Variants in PKNOX2 observed in about 807,000 individuals in gnomAD.
PKNOX2 encodes homeobox protein PKNOX2.
Under a neutral mutation model 53.1 loss-of-function variants are expected in PKNOX2, and 14 were observed. That is an observed-to-expected ratio of 0.26 (90% CI 0.17 to 0.41). The LOEUF (loss-of-function observed/expected upper bound fraction) is 0.41, where lower values mean the gene tolerates loss of function less well. Among genes scored for constraint, PKNOX2 ranks in the 10% least tolerant of loss-of-function variants. The probability of loss-of-function intolerance (pLI) is 1.00; values close to 1 mark genes in which losing one functional copy is unlikely to be tolerated. For synonymous variants in PKNOX2, 257 were observed against 242.8 expected (o/e 1.06, Z -0.54); for missense variants, 496 against 602.8 (o/e 0.82, Z 1.85).
chr11:125,267,149 C>T (rs1162134010), intron 2 of PKNOX2, among the ~76,000 whole-genome samples: 1 of 152,206 alleles, frequency 6.6e-6, no homozygotes, highest in Admixed American at 6.5e-5. Context: ...ATGTCCTTTC[C>T]TCCCTCCATC....
At chr11:125,286,617 C>T (rs1317539839) in intron 2 of PKNOX2, among the ~76,000 whole-genome samples, 1 of 152,238 alleles carries the variant, frequency 6.6e-6, no homozygotes, top group African/African-American at 2.4e-5. Context: ...ACTGCCAGGC[C>T]TGGTGTCGCC....
chr11:125,202,108 CAGTT>C (rs1215321489), intron 1 of PKNOX2, among the ~76,000 whole-genome samples: 1 of 152,238 alleles, frequency 6.6e-6, no homozygotes, highest in African/African-American at 2.4e-5. Flanking sequence ...TTTAATTAAT[CAGTT>C]AGCTGAGGGG....
At position 125,349,552 on chromosome 11, in the gene PKNOX2, A is replaced by G. The variant is rs866253260; in HGVS notation, c.-22-1732A>G. Among the ~76,000 whole-genome samples, 11 of 152,074 alleles carry G rather than the reference A, an allele frequency of 7.2e-5. 1 individual carries two copies. The highest frequency in any genetic ancestry group is 6.8e-3 in the Middle Eastern group (2 of 292). ...CCGGCCTGAAGTCGGCATTTTTAGCACCGGGGGAGCCATCCCTCCCTGTGC... is the reference window on the plus strand; with the variant it reads ...CCGGCCTGAAGTCGGCATTTTTAGCGCCGGGGGAGCCATCCCTCCCTGTGC... On this transcript the variant is annotated intron_variant, in intron 3 of 12. Coordinates refer to ENST00000298282, the MANE Select transcript of PKNOX2 (RefSeq NM_001382323.2).
chr11:125,307,724 C>CAGGACT lies in PKNOX2; in HGVS notation c.-129-24092_-129-24087dup, dbSNP rs1170026787. Reference sequence around the variant, plus strand: ...GGCCTAGAGACGTTGGTGAACAGGCCAGGACTAGAATTCTGGGCCACCAGT... The same window carrying CAGGACT: ...GGCCTAGAGACGTTGGTGAACAGGCCAGGACTAGGACTAGAATTCTGGGCCACCAGT... On this transcript the variant is annotated intron_variant, in intron 2 of 12. Coordinates refer to ENST00000298282, the MANE Select transcript of PKNOX2 (RefSeq NM_001382323.2). 3.9e-5 allele frequency among the ~76,000 whole-genome samples: 6 copies of CAGGACT among 152,272 alleles called. No individual in the cohort carries two copies. The South Asian group carries it at 6.2e-4, about 16-fold the overall frequency.
chr11:125,341,564 C>T (rs562308136), intron 3 of PKNOX2, among the ~76,000 whole-genome samples: 5 of 152,234 alleles, frequency 3.3e-5, no homozygotes, highest in African/African-American at 7.2e-5. Flanking sequence ...ATGGGACATG[C>T]GGGTGAGGAG....
intron 2 of PKNOX2, among the ~76,000 whole-genome samples, chr11:125,292,126 C>G (rs753900408): frequency 1.3e-5 from 2 of 152,196 alleles, no homozygotes; most frequent in African/African-American, 4.8e-5. Context: ...AGAAGACCTA[C>G]CCATCATACT....
chr11:125,222,632 T>C (rs34329953), intron 1 of PKNOX2, among the ~76,000 whole-genome samples: 17,925 of 142,048 alleles, frequency 0.13, 1,297 homozygotes, highest in Middle Eastern at 0.17. Context: ...TATGTGTGTG[T>C]GTATGTGTGT....
chr11:125,356,528 C>T (rs894599125), intron 4 of PKNOX2, among the ~76,000 whole-genome samples: 2 of 152,256 alleles, frequency 1.3e-5, no homozygotes, highest in African/African-American at 2.4e-5. Context: ...ATTCCCCTCA[C>T]CCCGATCCTC....
At chr11:125,409,537 G>T (rs747406168) in intron 7 of PKNOX2, among the ~76,000 whole-genome samples, 3 of 152,092 alleles carry the variant, frequency 2.0e-5, no homozygotes, top group Non-Finnish European at 4.4e-5. Context: ...GCTTTCATTT[G>T]CTTATTTAAC....
chr11:125,216,234 GA>G (rs1328488197), intron 1 of PKNOX2, among the ~76,000 whole-genome samples: 1 of 152,204 alleles, frequency 6.6e-6, no homozygotes, highest in East Asian at 1.9e-4. Context: ...GAGGACTGCA[GA>G]GCCATGAGTA....
intron 1 of PKNOX2, among the ~76,000 whole-genome samples, chr11:125,198,904 G>A (rs1277463991): frequency 1.3e-5 from 2 of 149,188 alleles, no homozygotes; most frequent in African/African-American, 2.5e-5. Context: ...GTGGTGGCAC[G>A]ATCTTGGCTC....
At chr11:125,387,531 C>A (rs1040203620) in intron 6 of PKNOX2, among the ~76,000 whole-genome samples, 8 of 152,230 alleles carry the variant, frequency 5.3e-5, no homozygotes, top group Non-Finnish European at 2.9e-5. Context: ...TCTCTCCTGG[C>A]CAACATGAGG....
intron 2 of PKNOX2, among the ~76,000 whole-genome samples, chr11:125,306,759 G>A (rs568332178): frequency 8.9e-4 from 135 of 152,328 alleles, no homozygotes; most frequent in Non-Finnish European, 1.7e-3. Flanking sequence ...CGGCACAGCC[G>A]TGGAGGGGTC....
At chr11:125,342,422 C>T (rs572225584) in intron 3 of PKNOX2, among the ~76,000 whole-genome samples, 2 of 152,248 alleles carry the variant, frequency 1.3e-5, no homozygotes, top group South Asian at 2.1e-4. Flanking sequence ...TGCCTGCTTT[C>T]CTCCTCCCCC....
In PKNOX2 at chr11:125,431,368, G is replaced by A; in HGVS notation, c.1395G>A (p.Leu465=). The part of the protein sequence containing the change: ...LQTTNVSDLG[L]EHSDSLE ...CGACAAATGTCAGCGACCTGGGCTT[G>A]GAACACAGTGACTCCCTGGAGTAGT... is the stretch of plus-strand genomic sequence containing the variant. The change falls in exon 13 of 13, where the codon TTG becomes TTA. Residue 465 remains leucine, a synonymous_variant. Coordinates refer to ENST00000298282, the MANE Select transcript of PKNOX2 (RefSeq NM_001382323.2). The A allele has an allele frequency of 6.2e-7, 1 of 1,612,678 alleles. No homozygotes were observed. The highest frequency in any genetic ancestry group is 8.5e-7 in the Non-Finnish European group (1 of 1,179,490).
intron 6 of PKNOX2, among the ~76,000 whole-genome samples, chr11:125,391,190 G>A (rs1450845253): frequency 6.6e-6 from 1 of 152,234 alleles, no homozygotes; most frequent in Non-Finnish European, 1.5e-5. Flanking sequence ...GCATGGAGCT[G>A]AATGGGTTCC....
intron 2 of PKNOX2, among the ~76,000 whole-genome samples, chr11:125,254,355 T>G (rs1168457293): frequency 1.3e-5 from 2 of 152,148 alleles, no homozygotes; most frequent in Non-Finnish European, 2.9e-5. Context: ...CTCCCTGCCA[T>G]GGGGCTGGTG....
chr11:125,417,132 G>C (rs979299295), intron 10 of PKNOX2, among the ~76,000 whole-genome samples: 5 of 152,022 alleles, frequency 3.3e-5, no homozygotes, highest in Non-Finnish European at 5.9e-5. Flanking sequence ...GGTCGGCCGA[G>C]AGCCCATGGC....
At chr11:125,164,826 G>A in intron 1 of PKNOX2, 50 bp downstream of exon 1, 1 of 178,428 alleles carries the variant, frequency 5.6e-6, no homozygotes, top group African/African-American at 2.4e-5. Flanking sequence ...AGGCGGCGGC[G>A]GCGGCGCGGC....
Sources: allele counts gnomAD v4.1 joint callset (sites outside exome capture counted in the v4.1 genomes callset), GRCh38; gene constraint gnomAD v4.1.1; transcripts MANE v1.5; gene names NCBI Gene and HGNC (gene_info 2026-07-23, HGNC 2026-07-21).